The following NBEA variants were observed in gnomAD, a reference collection of about 807,000 sequenced individuals.
The protein encoded by NBEA is lysosomal-trafficking regulator 2.
NBEA carries 44 observed loss-of-function variants against 343.4 expected under a neutral mutation model. The observed-to-expected ratio is 0.13, with a 90% CI of 0.10 to 0.16. The LOEUF (loss-of-function observed/expected upper bound fraction) is 0.16, where lower values mean the gene tolerates loss of function less well. NBEA is among the 10% of genes least tolerant of loss of function. The pLI is 1.00. For missense variants in NBEA, 2,555 were observed against 3,631.3 expected, an observed-to-expected ratio of 0.70 and a Z score of 7.62; for synonymous variants, 1,175 against 1,238.7, an observed-to-expected ratio of 0.95 and a Z score of 1.08.
intron 24 of NBEA, among the ~76,000 whole-genome samples, chr13:35,166,943 C>T (rs1367953459): frequency 6.6e-6 from 1 of 151,914 alleles, no homozygotes; most frequent in Non-Finnish European, 1.5e-5. Flanking sequence ...TGAAAGGAAA[C>T]ATTGTCTTGT....
At chr13:34,996,407 A>T (rs1399549637) in intron 1 of NBEA, among the ~76,000 whole-genome samples, 1 of 152,062 alleles carries the variant, frequency 6.6e-6, no homozygotes, top group Non-Finnish European at 1.5e-5. Context: ...ATAAATATTG[A>T]TTGAATGCTA....
intron 46 of NBEA, among the ~76,000 whole-genome samples, chr13:35,589,518 C>T (rs561368264): frequency 3.9e-5 from 6 of 151,982 alleles, no homozygotes; most frequent in African/African-American, 7.2e-5. Flanking sequence ...TACCCATAAA[C>T]GAGATTTGTT....
intron 1 of NBEA, among the ~76,000 whole-genome samples, chr13:34,995,158 A>C (rs1456081540): frequency 6.6e-6 from 1 of 152,178 alleles, no homozygotes; most frequent in East Asian, 1.9e-4. Flanking sequence ...AAGGATATTA[A>C]AAAGGAAAAA....
intron 35 of NBEA, among the ~76,000 whole-genome samples, chr13:35,308,512 G>GTATATATGTATATATA (rs1566597433): frequency 0.011 from 1,114 of 98,084 alleles, 14 homozygotes; most frequent in Non-Finnish European, 0.017. Context: ...ATATATATAT[G>GTATATATGTATATATA]TGTATATATG....
At chr13:35,403,077 C>T (rs1268539965) in intron 38 of NBEA, among the ~76,000 whole-genome samples, 1 of 151,888 alleles carries the variant, frequency 6.6e-6, no homozygotes, top group South Asian at 2.1e-4. Context: ...TTTCCTCTGC[C>T]TTTGAAGACT....
At chr13:35,435,683 CA>C (rs1350850439) in intron 39 of NBEA, among the ~76,000 whole-genome samples, 2 of 151,870 alleles carry the variant, frequency 1.3e-5, no homozygotes, top group Non-Finnish European at 2.9e-5. Flanking sequence ...TTTATCCCTG[CA>C]AGTTGAATTA....
At chr13:35,028,836 C>T (rs1447344195) in intron 1 of NBEA, among the ~76,000 whole-genome samples, 1 of 151,138 alleles carries the variant, frequency 6.6e-6, no homozygotes, top group African/African-American at 2.4e-5. Flanking sequence ...TGAACTTGGC[C>T]TGTTTTAGAT....
intron 34 of NBEA, among the ~76,000 whole-genome samples, chr13:35,288,830 A>G (rs1246244811): frequency 2.0e-5 from 3 of 151,966 alleles, no homozygotes; most frequent in African/African-American, 7.2e-5. Flanking sequence ...TTTCTTTGTC[A>G]GAATTCAAAT....
At chr13:35,282,952 A>C (rs942497681) in intron 34 of NBEA, among the ~76,000 whole-genome samples, 10 of 152,112 alleles carry the variant, frequency 6.6e-5, no homozygotes, top group African/African-American at 1.2e-4. Flanking sequence ...TCCTTAAATA[A>C]ATTTTTAAAG....
At chr13:35,572,457 T>G (rs2080481950) in intron 45 of NBEA, among the ~76,000 whole-genome samples, 1 of 152,176 alleles carries the variant, frequency 6.6e-6, no homozygotes. Flanking sequence ...AAAAATATAT[T>G]TTGTTAACAC....
intron 38 of NBEA, among the ~76,000 whole-genome samples, chr13:35,417,806 C>T (rs1253053408): frequency 2.6e-5 from 4 of 151,992 alleles, no homozygotes; most frequent in Non-Finnish European, 5.9e-5. Context: ...CTTTCTGTCG[C>T]GTTGATCTGT....
chr13:35,599,133 C>T (rs2081938122), intron 47 of NBEA, among the ~76,000 whole-genome samples: 1 of 152,072 alleles, frequency 6.6e-6, no homozygotes, highest in Non-Finnish European at 1.5e-5. Flanking sequence ...GGACTGCTTC[C>T]AATAACAACT....
At chr13:35,085,249 C>G (rs1593292550) in intron 10 of NBEA, among the ~76,000 whole-genome samples, 1 of 152,090 alleles carries the variant, frequency 6.6e-6, no homozygotes. Flanking sequence ...CAGCATCATC[C>G]TGATACCAAA....
At chr13:35,579,730 A>G (rs1388533799) in intron 45 of NBEA, among the ~76,000 whole-genome samples, 1 of 152,192 alleles carries the variant, frequency 6.6e-6, no homozygotes, top group African/African-American at 2.4e-5. Context: ...TCAGAGCCTT[A>G]AGATCACGTA....
chr13:35,558,141 G>A lies in NBEA; in HGVS notation c.6922+3039G>A, dbSNP rs531771586. Among the ~76,000 whole-genome samples, 39 of 152,258 alleles carry A rather than the reference G, an allele frequency of 2.6e-4. No individual in the cohort carries two copies. In the South Asian group the frequency reaches 7.5e-3, roughly 29 times the overall value. On this transcript the variant is annotated intron_variant, in intron 44 of 58. Coordinates refer to ENST00000379939, the MANE Select transcript of NBEA (RefSeq NM_001385012.1). The stretch of plus-strand genomic sequence containing the variant: ...TAAATTGTTACTGAATATTTACTAT[G>A]TACCACATATTCTATTTTTCCCTGA...
At chr13:35,567,084 A>G in intron 45 of NBEA, 67 bp downstream of exon 45, 1 of 797,662 alleles carries the variant, frequency 1.3e-6, no homozygotes, top group Non-Finnish European at 2.1e-6. Context: ...TTTCTGTCAG[A>G]GTATATATAG....
At position 34,942,968 on chromosome 13, in the gene NBEA, G is replaced by A. The variant is rs2059076404; in HGVS notation, c.148G>A (p.Gly50Ser). The change falls in exon 1 of 59, where the codon GGC becomes AGC. Residue 50 changes from glycine to serine, a missense_variant. This residue lies in a region of NBEA where 122 missense variants were observed against 91.0 expected (regional missense o/e 1.34). Transcript: ENST00000379939. ...GATGGGGGAGCTAAGGGGGGCGTCC[G>A]GCTCCGGCTCGGTGATGCTCCCCGC... ...SGMGELRGAS[G>S]SGSVMLPAGM... 6.2e-7 allele frequency: 1 copy of A among 1,602,322 alleles called. No individual in the cohort carries two copies. Among genetic ancestry groups the A allele is most frequent in the African/African-American group, 1.4e-5 (1 of 73,764 alleles).
intron 28 of NBEA, among the ~76,000 whole-genome samples, chr13:35,179,053 A>G (rs958461866): frequency 6.6e-6 from 1 of 151,642 alleles, no homozygotes; most frequent in African/African-American, 2.4e-5. Context: ...ATGGTAAATG[A>G]TGATCATTTC....
At chr13:35,532,694 C>A (rs2078324552) in intron 41 of NBEA, among the ~76,000 whole-genome samples, 1 of 130,422 alleles carries the variant, frequency 7.7e-6, no homozygotes, top group Non-Finnish European at 1.8e-5. Context: ...TGAGTCTATG[C>A]ATCATTCTAG....
Sources: gnomAD v4.1 joint callset for allele counts (sites outside exome capture counted in the v4.1 genomes callset) on GRCh38, gnomAD v4.1.1 for gene constraint, gnomAD v4.1.1 regional missense constraint, MANE v1.5 for transcripts, NCBI Gene and HGNC (gene_info 2026-07-23, HGNC 2026-07-21) for gene names.